Variants in OSBP observed in about 807,000 individuals in gnomAD.
The protein encoded by OSBP is oxysterol-binding protein 1.
OSBP carries 32 observed loss-of-function variants against 96.6 expected under a neutral mutation model. That is an observed-to-expected ratio of 0.33 (90% confidence interval 0.25 to 0.45). The LOEUF is 0.45. OSBP is among the 20% of genes least tolerant of loss of function. OSBP has a pLI of 1.00. For missense variants in OSBP, 653 were observed against 1,029.7 expected (o/e 0.63, Z 5.01); for synonymous variants, 369 against 389.6 (o/e 0.95, Z 0.62).
intron 11 of OSBP, among the ~76,000 whole-genome samples, chr11:59,579,239 AC>A (rs1217284537): frequency 2.0e-5 from 3 of 151,654 alleles, no homozygotes; most frequent in Non-Finnish European, 4.4e-5. Context: ...GTGGTATCAC[AC>A]AACTCCCCCT....
chr11:59,598,036 C>A (rs1565118489), intron 7 of OSBP, among the ~76,000 whole-genome samples: 1 of 152,154 alleles, frequency 6.6e-6, no homozygotes, highest in Non-Finnish European at 1.5e-5. Context: ...GACAGGGTCT[C>A]CCCACGTTGC....
chr11:59,584,525 A>T (rs768618903), intron 9 of OSBP, among the ~76,000 whole-genome samples: 2 of 152,236 alleles, frequency 1.3e-5, no homozygotes, highest in Admixed American at 1.3e-4. Flanking sequence ...CATGAACAGA[A>T]TGAAGGGCGA....
At position 59,576,452 on chromosome 11, in the gene OSBP, A is replaced by C. The variant is rs1449789974; in HGVS notation, c.*125T>G. ...CTCCTTCTGGTGATTGATTTGGAAA[A>C]AATGATTGGTCAAGAGAGACAAACT... On this transcript the variant is annotated 3_prime_UTR_variant, in exon 14 of 14. Coordinates refer to ENST00000263847, the MANE Select transcript of OSBP (RefSeq NM_002556.3). 2.7e-6 allele frequency: 3 copies of C among 1,111,436 alleles called. No individual in the cohort carries two copies. The African/African-American group carries it at 4.7e-5, about 17-fold the overall frequency. The allele number at this position is 1,111,436 out of a possible 1,614,324, so 68.8% of individuals were successfully genotyped here. A position where few individuals can be genotyped will look rare whatever the true frequency, so the allele number is the denominator to read the frequency against.
rs149764564 is a variant in OSBP, at chr11:59,594,026, C to T, written c.1541G>A (p.Arg514Gln). 1.8e-4 allele frequency: 298 copies of T among 1,613,916 alleles called. No individual in the cohort carries two copies. The highest frequency in any genetic ancestry group is 2.4e-4 in the Non-Finnish European group (286 of 1,179,986). ...ELDRLEENGY[R>Q]SLCEQVSHHP... The stretch of plus-strand genomic sequence containing the variant: ...TTCCTTTACCTGTTCACAGAGGGAT[C>T]GGTACCCATTCTCCTCTAATCGGTC... The change falls in exon 8 of 14, where the codon CGA becomes CAA. Residue 514 changes from arginine (R) to glutamine (Q), a missense_variant. This residue lies in a region of OSBP where 308 missense variants were observed against 573.1 expected (regional missense o/e 0.54). Transcript: ENST00000263847.
intron 2 of OSBP, 142 bp downstream of exon 2, chr11:59,610,239 A>C (rs940886667): frequency 1.4e-5 from 10 of 728,128 alleles, no homozygotes; most frequent in Non-Finnish European, 1.9e-5. Flanking sequence ...ACTCCAGCAG[A>C]AATACTGCAT....
intron 3 of OSBP, among the ~76,000 whole-genome samples, chr11:59,602,858 G>C (rs918479330): frequency 6.6e-6 from 1 of 152,216 alleles, no homozygotes; most frequent in Non-Finnish European, 1.5e-5. Flanking sequence ...GGACTCAAGT[G>C]ATCTACCCAT....
chr11:59,600,604 G>A lies in OSBP; in HGVS notation c.1203C>T (p.Thr401=). 6.2e-7 allele frequency: 1 copy of A among 1,613,498 alleles called. No individual in the cohort carries two copies. The highest frequency in any genetic ancestry group is 8.5e-7 in the Non-Finnish European group (1 of 1,179,858). Residue 401 remains threonine, a synonymous_variant, in exon 7 of 14, where the codon ACC becomes ACT. Coordinates refer to ENST00000263847, the MANE Select transcript of OSBP (RefSeq NM_002556.3). ...GTATTCTGGTTCTCTTTTCCTTTTT[G>A]GTCTCCTCCAGCTGATGCTTGTACT... is the stretch of plus-strand genomic sequence containing the variant. The part of the protein sequence containing the change: ...DEQYKHQLEE[T]KKEKRTRIPY...
intron 9 of OSBP, among the ~76,000 whole-genome samples, chr11:59,588,819 A>G (rs1468895322): frequency 6.6e-6 from 1 of 152,118 alleles, no homozygotes; most frequent in African/African-American, 2.4e-5. Flanking sequence ...CAGCCTGGCC[A>G]ACATGGAGAA....
chr11:59,601,532 C>A (rs1860724168), intron 4 of OSBP, 108 bp downstream of exon 4: 7 of 1,178,648 alleles, frequency 5.9e-6, no homozygotes, highest in Non-Finnish European at 8.8e-6. Context: ...GGTTCCAATT[C>A]CATTTCACAT....
At chr11:59,582,303 G>C (rs1860431719) in intron 9 of OSBP, among the ~76,000 whole-genome samples, 1 of 152,194 alleles carries the variant, frequency 6.6e-6, no homozygotes, top group South Asian at 2.1e-4. Flanking sequence ...GACCTCTGGG[G>C]ATGAAAGAGG....
chr11:59,610,928 G>A (rs1226773880), intron 1 of OSBP, among the ~76,000 whole-genome samples: 1 of 151,788 alleles, frequency 6.6e-6, no homozygotes, highest in East Asian at 1.9e-4. Context: ...GAGGTCAGGA[G>A]TTCCAGACCG....
Position 59,606,591 on chromosome 11 carries a change from C to T in OSBP, c.822+1893G>A, listed in dbSNP as rs532597438. Reference sequence around the variant, plus strand: ...TACCTGTTGCGTACTACGTTCACTACTTGGGCAATGGGATAATTAGAAGCC... The same window carrying T: ...TACCTGTTGCGTACTACGTTCACTATTTGGGCAATGGGATAATTAGAAGCC... On this transcript the variant is annotated intron_variant, in intron 3 of 13. Coordinates refer to ENST00000263847, the MANE Select transcript of OSBP (RefSeq NM_002556.3). 2.0e-5 allele frequency among the ~76,000 whole-genome samples: 3 copies of T among 152,330 alleles called. No homozygotes were observed. The East Asian group carries it at 5.8e-4, about 29-fold the overall frequency.
chr11:59,575,131 G>C lies in OSBP; in HGVS notation c.*1446C>G, dbSNP rs554731165. 6.6e-6 allele frequency: 1 copy of C among 152,312 alleles called. No individual in the cohort carries two copies. Among genetic ancestry groups the C allele is most frequent in the Non-Finnish European group, 1.5e-5 (1 of 68,040 alleles). 9.4% of individuals were successfully genotyped at this position (152,312 alleles called of 1,614,324 possible). On this transcript the variant is annotated 3_prime_UTR_variant, in exon 14 of 14. Transcript: ENST00000263847. ...TTAAGCCCCACATCCTAGGAAGAAA[G>C]TTCTTTTGGAATTCAGCCTATGCGC... is the stretch of plus-strand genomic sequence containing the variant.
rs1860809746 is a variant in OSBP at position 59,608,511 on chromosome 11, A to T, written c.795T>A (p.Phe265Leu). ...IKQVNERATL[F>L]RITSNAMINA... ...TGATCATGGCATTGGATGTTATCCT[A>T]AAGAGTGTGGCTCGTTCGTTGACCT... Residue 265 changes from phenylalanine to leucine, a missense_variant, in exon 3 of 14, where the codon TTT becomes TTA. By Grantham distance (22) the Phe-to-Leu change is conservative (BLOSUM62 0). Coordinates refer to ENST00000263847, the MANE Select transcript of OSBP (RefSeq NM_002556.3). The T allele has an allele frequency of 6.2e-7, 1 of 1,614,080 alleles. No individual in the cohort carries two copies. The highest frequency in any genetic ancestry group is 1.1e-5 in the South Asian group (1 of 91,086).
At chr11:59,607,733 G>C (rs550261988) in intron 3 of OSBP, among the ~76,000 whole-genome samples, 2 of 152,284 alleles carry the variant, frequency 1.3e-5, no homozygotes, top group East Asian at 3.9e-4. Flanking sequence ...CACTTCATAC[G>C]TATCAATACA....
rs549034337 is a variant in OSBP at position 59,611,741 on chromosome 11, C to G, written c.363-1152G>C. Among the ~76,000 whole-genome samples, 4 of 152,316 alleles carry G rather than the reference C, an allele frequency of 2.6e-5. No homozygotes were observed. The South Asian group carries it at 8.3e-4, about 32-fold the overall frequency. The stretch of plus-strand genomic sequence containing the variant: ...AGGAAAGATTCAGCAGATCTGCTCT[C>G]AGAGAACTGGGTGTAAAAATTTTCC... On this transcript the variant is annotated intron_variant, in intron 1 of 13. Coordinates refer to ENST00000263847, the MANE Select transcript of OSBP (RefSeq NM_002556.3).
chr11:59,608,418 T>C, intron 3 of OSBP, 66 bp downstream of exon 3: 1 of 1,597,466 alleles, frequency 6.3e-7, no homozygotes, highest in South Asian at 1.1e-5. Flanking sequence ...TTTTAGGCAT[T>C]TGGGGAGAAT....
At chr11:59,582,315 T>G (rs1860431834) in intron 9 of OSBP, among the ~76,000 whole-genome samples, 1 of 152,172 alleles carries the variant, frequency 6.6e-6, no homozygotes, top group Non-Finnish European at 1.5e-5. Context: ...TGAAAGAGGA[T>G]CTGGATATTG....
chr11:59,580,895 G>A (rs1332213061), intron 10 of OSBP, among the ~76,000 whole-genome samples: 1 of 152,136 alleles, frequency 6.6e-6, no homozygotes, highest in Non-Finnish European at 1.5e-5. Flanking sequence ...TCTACTGTGA[G>A]GCCTTTCCTG....
Sources: gnomAD v4.1 joint callset for allele counts (sites outside exome capture counted in the v4.1 genomes callset) on GRCh38, gnomAD v4.1.1 for gene constraint, gnomAD v4.1.1 regional missense constraint, MANE v1.5 for transcripts, NCBI Gene and HGNC (gene_info 2026-07-23, HGNC 2026-07-21) for gene names.